SZRD1: variants seen among roughly 807,000 people sequenced by gnomAD.
SZRD1 encodes the protein SUZ RNA-binding domain-containing.
A neutral mutation model predicts 17.6 loss-of-function variants in SZRD1; 7 were observed. The observed-to-expected ratio is 0.40, with a 90% CI of 0.23 to 0.75. SZRD1 has a LOEUF of 0.75. Among genes scored for constraint, SZRD1 ranks in the 30% least tolerant of loss-of-function variants. The pLI is 0.38. For synonymous variants in SZRD1, 77 were observed against 77.9 expected, an observed-to-expected ratio of 0.99 and a Z score of 0.06; for missense variants, 178 against 201.8, an observed-to-expected ratio of 0.88 and a Z score of 0.71.
chr1:16,384,699 C>T (rs780646588), intron 1 of SZRD1, among the ~76,000 whole-genome samples: 60 of 152,178 alleles, frequency 3.9e-4, no homozygotes, highest in Non-Finnish European at 7.6e-4. Flanking sequence ...AGTTCAGGGC[C>T]GGAACAGGTT....
rs560831090 is a variant in SZRD1, at chr1:16,383,623, C to CTTT, written c.52-7739_52-7737dup. Among the ~76,000 whole-genome samples the CTTT allele has an allele frequency of 5.3e-3, 691 of 131,142 alleles. 10 individuals are homozygous for CTTT. Among genetic ancestry groups the CTTT allele is most frequent in the African/African-American group, 0.018 (637 of 35,450 alleles). 86.0% of individuals were successfully genotyped at this position (131,142 alleles called of 152,430 possible). A position where few individuals can be genotyped will look rare whatever the true frequency, so the allele number is the denominator to read the frequency against. On this transcript the variant is annotated intron_variant, in intron 1 of 3. Coordinates refer to ENST00000401088, the MANE Select transcript of SZRD1 (RefSeq NM_001114600.3). ...TTTCTTTTCTTTCTTTCTTTTTTTC[C>CTTT]TTTTTTTTTTTTTTTAGACAGAGTC... is the stretch of plus-strand genomic sequence containing the variant.
Position 16,391,458 on chromosome 1 carries a change from C to T in SZRD1, c.101+34C>T. ...GCTGTCTGGTCTGAGGGCTCATGCT[C>T]TCTGTGGTTTGAGAGCCGGGCAGTC... On this transcript the variant is annotated intron_variant, in intron 2 of 3. Coordinates refer to ENST00000401088, the MANE Select transcript of SZRD1 (RefSeq NM_001114600.3). This position sits in a 1 kb window ranked among gnomAD's most constrained non-coding sequence, Gnocchi z 4.3. 1 of 1,535,232 alleles carries T rather than the reference C, an allele frequency of 6.5e-7. No homozygotes were observed. The highest frequency in any genetic ancestry group is 1.4e-5 in the African/African-American group (1 of 72,588).
chr1:16,394,448 C>T (rs1283318959), intron 3 of SZRD1, among the ~76,000 whole-genome samples: 1 of 152,142 alleles, frequency 6.6e-6, no homozygotes, highest in African/African-American at 2.4e-5. Flanking sequence ...GTCACTGCCT[C>T]TGGGCAGAGT....
chr1:16,388,487 A>G (rs766847752), intron 1 of SZRD1, among the ~76,000 whole-genome samples: 1 of 152,128 alleles, frequency 6.6e-6, no homozygotes, highest in Non-Finnish European at 1.5e-5. Flanking sequence ...ATCTAGTTTC[A>G]TATGGTTAAT....
Position 16,395,302 on chromosome 1 carries a change from C to A in SZRD1, c.*162C>A. ...GCTCCGCCCACTGTGACCTTGAACCCCATGCACTGTGACCTCCCCCCTTCT... is the reference window on the plus strand; with the variant it reads ...GCTCCGCCCACTGTGACCTTGAACCACATGCACTGTGACCTCCCCCCTTCT... On this transcript the variant is annotated 3_prime_UTR_variant, in exon 4 of 4. Transcript: ENST00000401088. 3.0e-6 allele frequency: 2 copies of A among 675,698 alleles called. No individual in the cohort carries two copies. The highest frequency in any genetic ancestry group is 5.5e-6 in the Non-Finnish European group (2 of 360,962). The allele number at this position is 675,698 out of a possible 1,614,324, so 41.9% of individuals were successfully genotyped here.
chr1:16,394,785 T>C (rs981716057), intron 3 of SZRD1, among the ~76,000 whole-genome samples: 16 of 152,148 alleles, frequency 1.1e-4, no homozygotes, highest in African/African-American at 3.6e-4. Flanking sequence ...TGAAACCCCA[T>C]CTCTACTAAA....
intron 1 of SZRD1, among the ~76,000 whole-genome samples, chr1:16,382,504 T>C (rs72638025): frequency 0.037 from 5,544 of 148,044 alleles, 126 homozygotes; most frequent in Non-Finnish European, 0.046. Flanking sequence ...TTTTTTTTTT[T>C]GTTTTTTTTT....
intron 1 of SZRD1, among the ~76,000 whole-genome samples, chr1:16,381,097 A>AC (rs1368779466): frequency 6.6e-6 from 1 of 151,452 alleles, no homozygotes; most frequent in East Asian, 1.9e-4. Context: ...AAAAAAAAAA[A>AC]AAAAAAACTA....
At chr1:16,378,904 T>G (rs572665072) in intron 1 of SZRD1, among the ~76,000 whole-genome samples, 86 of 151,300 alleles carry the variant, frequency 5.7e-4, no homozygotes, top group African/African-American at 2.0e-3. Context: ...TTTTTGTATT[T>G]TTGGTGGAGA....
chr1:16,383,233 T>C (rs2083136053), intron 1 of SZRD1, among the ~76,000 whole-genome samples: 1 of 151,754 alleles, frequency 6.6e-6, no homozygotes, highest in Non-Finnish European at 1.5e-5. Flanking sequence ...TTTTCTTTTC[T>C]TTCGAGGTGG....
chr1:16,368,568 A>T (rs543415726), intron 1 of SZRD1, among the ~76,000 whole-genome samples: 50 of 152,164 alleles, frequency 3.3e-4, no homozygotes, highest in Non-Finnish European at 6.2e-4. Flanking sequence ...TCTTAATGTG[A>T]CAACCATCTT....
chr1:16,385,717 T>A (rs2083177471), intron 1 of SZRD1, among the ~76,000 whole-genome samples: 1 of 152,192 alleles, frequency 6.6e-6, no homozygotes, highest in South Asian at 2.1e-4. Context: ...GGGAATGATC[T>A]TATCCGCATT....
chr1:16,370,120 A>G (rs1267090382), intron 1 of SZRD1, among the ~76,000 whole-genome samples: 4 of 152,110 alleles, frequency 2.6e-5, no homozygotes, highest in African/African-American at 9.7e-5. Context: ...TTTGATCCCA[A>G]GCATGTCTGA....
intron 1 of SZRD1, chr1:16,387,559 G>A (rs1284834124): frequency 1.1e-5 from 5 of 456,618 alleles, no homozygotes; most frequent in Non-Finnish European, 2.2e-5. Flanking sequence ...AGTGCTCTTT[G>A]GTGCCCTGCA....
At chr1:16,386,144 A>G (rs2085113169) in intron 1 of SZRD1, among the ~76,000 whole-genome samples, 1 of 152,104 alleles carries the variant, frequency 6.6e-6, no homozygotes, top group Non-Finnish European at 1.5e-5. Flanking sequence ...ACTTGGCTGA[A>G]GAGCCTTTCC....
At chr1:16,392,206 C>T (rs2085230120) in intron 2 of SZRD1, among the ~76,000 whole-genome samples, 1 of 152,176 alleles carries the variant, frequency 6.6e-6, no homozygotes, top group Admixed American at 6.5e-5. Flanking sequence ...CGTTCCATAC[C>T]ATTTGTGTCC....
Position 16,393,245 on chromosome 1 carries a change from C to A in SZRD1, c.119C>A (p.Pro40His). The A allele has an allele frequency of 1.2e-6, 2 of 1,614,094 alleles. No homozygotes were observed. The highest frequency in any genetic ancestry group is 2.2e-5 in the South Asian group (2 of 91,080). Residue 40 changes from proline to histidine, a missense_variant, in exon 3 of 4, where the codon CCT becomes CAT. Pro to His is a moderately conservative substitution (Grantham distance 77). Coordinates refer to ENST00000401088, the MANE Select transcript of SZRD1 (RefSeq NM_001114600.3). The surrounding 1 kb of genome is among the most constrained non-coding windows in gnomAD (Gnocchi z 5.6). Reference protein sequence around the residue: ...TQKESRKSKSPPKVPIVIQDD... With the variant: ...TQKESRKSKSHPKVPIVIQDD... ...TTTGTCAGCAGGAAATCCAAATCTC[C>A]TCCCAAAGTGCCCATTGTGATTCAG...
intron 1 of SZRD1, among the ~76,000 whole-genome samples, chr1:16,376,258 T>C (rs1463843125): frequency 1.3e-5 from 2 of 152,222 alleles, no homozygotes; most frequent in African/African-American, 4.8e-5. Flanking sequence ...TTAAGTGCTT[T>C]AGGATGCTTA....
At chr1:16,383,785 A>G (rs572909156) in intron 1 of SZRD1, among the ~76,000 whole-genome samples, 2 of 151,518 alleles carry the variant, frequency 1.3e-5, no homozygotes, top group Admixed American at 1.3e-4. Context: ...ACGCCTGGCT[A>G]ATTTTTGTAT....
Sources: allele counts gnomAD v4.1 joint callset (sites outside exome capture counted in the v4.1 genomes callset), GRCh38; gene constraint gnomAD v4.1.1; non-coding constraint Gnocchi (gnomAD v3.1); transcripts MANE v1.5; gene names NCBI Gene and HGNC (gene_info 2026-07-23, HGNC 2026-07-21).